LRRC4C: variants seen among roughly 807,000 people sequenced by gnomAD.
LRRC4C encodes leucine rich repeat containing 4C, also known as leucine-rich repeat-containing protein 4C.
A neutral mutation model predicts 33.6 loss-of-function variants in LRRC4C; 5 were observed. That is an observed-to-expected ratio of 0.15 (90% CI 0.08 to 0.31). The LOEUF (loss-of-function observed/expected upper bound fraction) is 0.31. Ranked by LOEUF, LRRC4C falls within the 10% of genes least tolerant of loss-of-function variation. The probability of loss-of-function intolerance (pLI) is 1.00; values close to 1 mark genes in which losing one functional copy is unlikely to be tolerated. For synonymous variants in LRRC4C, 329 were observed against 302.0 expected, an observed-to-expected ratio of 1.09 and a Z score of -0.93; for missense variants, 560 against 796.7, an observed-to-expected ratio of 0.70 and a Z score of 3.58.
At chr11:41,324,089 A>G (rs951031751) in intron 1 of LRRC4C, among the ~76,000 whole-genome samples, 11 of 152,318 alleles carry the variant, frequency 7.2e-5, no homozygotes, top group Admixed American at 3.3e-4. Context: ...TCACCTTCAA[A>G]TTACAACATC....
intron 2 of LRRC4C, among the ~76,000 whole-genome samples, chr11:40,837,765 G>A (rs1952737282): frequency 6.6e-6 from 1 of 151,506 alleles, no homozygotes; most frequent in Non-Finnish European, 1.5e-5. Context: ...AGGTAGGATT[G>A]CTTGAGCCCA....
At chr11:41,015,917 G>A (rs945355318) in intron 1 of LRRC4C, among the ~76,000 whole-genome samples, 4 of 152,082 alleles carry the variant, frequency 2.6e-5, no homozygotes, top group Non-Finnish European at 5.9e-5. Flanking sequence ...GTGAACTCGG[G>A]AGGCGGAGCT....
chr11:40,958,114 C>T (rs918347407), intron 1 of LRRC4C, among the ~76,000 whole-genome samples: 3 of 151,602 alleles, frequency 2.0e-5, no homozygotes, highest in Admixed American at 6.6e-5. Context: ...AGCAGGCCCT[C>T]ACCACACACT....
Position 40,522,321 on chromosome 11 carries a change from C to T in LRRC4C, c.-270+125821G>A, listed in dbSNP as rs965241313. Among the ~76,000 whole-genome samples, 12 of 152,302 alleles carry T rather than the reference C, an allele frequency of 7.9e-5. No individual in the cohort carries two copies. The South Asian group carries it at 8.3e-4, about 11-fold the overall frequency. ...CTGGAATTATAGGCGTGAGCCCTGG[C>T]GCCTGGCCAGAAGATGAAAAAGTTC... On this transcript the variant is annotated intron_variant, in intron 3 of 6. Coordinates refer to ENST00000528697, the MANE Select transcript of LRRC4C (RefSeq NM_001258419.2).
chr11:41,365,933 T>G (rs1952518761), intron 1 of LRRC4C, among the ~76,000 whole-genome samples: 1 of 152,342 alleles, frequency 6.6e-6, no homozygotes, highest in East Asian at 1.9e-4. Context: ...TCAGAATTGT[T>G]TTTAATGGGA....
chr11:40,440,866 A>ATTT (rs58954858), intron 3 of LRRC4C, among the ~76,000 whole-genome samples: 69 of 148,954 alleles, frequency 4.6e-4, no homozygotes, highest in African/African-American at 1.5e-3. Flanking sequence ...CCAGTAGGGA[A>ATTT]TTTTTTTTTT....
intron 2 of LRRC4C, among the ~76,000 whole-genome samples, chr11:40,705,670 T>G (rs1946128944): frequency 6.6e-6 from 1 of 152,048 alleles, no homozygotes; most frequent in Non-Finnish European, 1.5e-5. Flanking sequence ...CAAACATATG[T>G]GTGCATGTGT....
intron 1 of LRRC4C, among the ~76,000 whole-genome samples, chr11:41,130,823 T>C (rs1238149352): frequency 1.3e-5 from 2 of 151,996 alleles, no homozygotes; most frequent in Admixed American, 1.3e-4. Context: ...TATTTACAAA[T>C]TTGTTCCTCC....
chr11:40,973,787 T>C (rs946494140), intron 1 of LRRC4C, among the ~76,000 whole-genome samples: 1 of 152,198 alleles, frequency 6.6e-6, no homozygotes, highest in Non-Finnish European at 1.5e-5. Flanking sequence ...TGTTGGAAAT[T>C]ATTTGATTCC....
At chr11:40,521,926 A>G (rs991363602) in intron 3 of LRRC4C, among the ~76,000 whole-genome samples, 5 of 152,168 alleles carry the variant, frequency 3.3e-5, no homozygotes, top group African/African-American at 9.6e-5. Flanking sequence ...AAACACTGAC[A>G]TGAATGAGAC....
intron 2 of LRRC4C, among the ~76,000 whole-genome samples, chr11:40,932,472 G>C (rs1957669900): frequency 6.6e-6 from 1 of 152,032 alleles, no homozygotes; most frequent in Non-Finnish European, 1.5e-5. Flanking sequence ...GATTTTAGTT[G>C]GTTATATGTT....
intron 6 of LRRC4C, among the ~76,000 whole-genome samples, chr11:40,139,521 G>A (rs940285663): frequency 1.3e-5 from 2 of 151,874 alleles, no homozygotes; most frequent in African/African-American, 4.8e-5. Context: ...TTTATTTTAT[G>A]GGACTTCACA....
At chr11:41,171,152 G>C (rs1470018289) in intron 1 of LRRC4C, among the ~76,000 whole-genome samples, 4 of 151,996 alleles carry the variant, frequency 2.6e-5, no homozygotes, top group Non-Finnish European at 5.9e-5. Context: ...TTACACTGTT[G>C]GTGGGACTGT....
chr11:40,398,667 T>C (rs1312665015), intron 3 of LRRC4C, among the ~76,000 whole-genome samples: 2 of 152,070 alleles, frequency 1.3e-5, no homozygotes, highest in Admixed American at 1.3e-4. Context: ...AAAAAACAGC[T>C]ACAGGTAGTT....
In LRRC4C at chr11:40,394,546, T is replaced by TA. The variant is rs371150748; in HGVS notation, c.-269-74826dup. The stretch of plus-strand genomic sequence containing the variant: ...CTGCTCAGACTTTGATATATTCAGA[T>TA]AAAAAATAAAAACAACTGGACAAAC... On this transcript the variant is annotated intron_variant, in intron 3 of 6. Coordinates refer to ENST00000528697, the MANE Select transcript of LRRC4C (RefSeq NM_001258419.2). Among the ~76,000 whole-genome samples, 421 of 152,178 alleles carry TA rather than the reference T, an allele frequency of 2.8e-3. 2 individuals are homozygous for TA. Among genetic ancestry groups the TA allele is most frequent in the African/African-American group, 9.7e-3 (404 of 41,550 alleles).
rs1020795151 is a variant in LRRC4C, at chr11:41,341,601, T to C, written c.-496+117830A>G. On this transcript the variant is annotated intron_variant, in intron 1 of 6. Coordinates refer to ENST00000528697, the MANE Select transcript of LRRC4C (RefSeq NM_001258419.2). ...TGTTAAAAATAGCATCAGTTCTCAG[T>C]TATCTACCTTATGAAGAAGCTCACA... Among the ~76,000 whole-genome samples the C allele has an allele frequency of 7.9e-5, 12 of 152,330 alleles. No homozygotes were observed. In the South Asian group the frequency reaches 2.5e-3, roughly 32 times the overall value.
intron 1 of LRRC4C, among the ~76,000 whole-genome samples, chr11:40,954,522 G>A (rs1958866681): frequency 6.6e-6 from 1 of 151,762 alleles, no homozygotes; most frequent in African/African-American, 2.4e-5. Flanking sequence ...GTAGGGCTAG[G>A]ACCTTGGATT....
intron 1 of LRRC4C, among the ~76,000 whole-genome samples, chr11:41,156,004 T>C (rs1039671407): frequency 3.3e-5 from 5 of 152,096 alleles, no homozygotes; most frequent in African/African-American, 4.8e-5. Context: ...AGAGGAAGGA[T>C]TTTAGCATTT....
chr11:41,145,389 C>G (rs1293413295), intron 1 of LRRC4C, among the ~76,000 whole-genome samples: 1 of 148,992 alleles, frequency 6.7e-6, no homozygotes, highest in Non-Finnish European at 1.5e-5. Context: ...GCCTCTATCA[C>G]AAAGTTATTA....
Sources: gnomAD v4.1 joint callset for allele counts (sites outside exome capture counted in the v4.1 genomes callset) on GRCh38, gnomAD v4.1.1 for gene constraint, MANE v1.5 for transcripts, NCBI Gene and HGNC (gene_info 2026-07-23, HGNC 2026-07-21) for gene names.